Variants in NIM1K observed in about 807,000 individuals in gnomAD.
NIM1K encodes NIM1 serine/threonine protein kinase.
A neutral mutation model predicts 37.1 loss-of-function variants in NIM1K; 35 were observed. That is an observed-to-expected ratio of 0.94 (90% CI 0.72 to 1.25). The LOEUF (loss-of-function observed/expected upper bound fraction) is 1.25. NIM1K is among the 50% of genes most tolerant of loss of function. The pLI is 0.00. For missense variants in NIM1K, 564 were observed against 548.0 expected (o/e 1.03, Z -0.29); for synonymous variants, 234 against 206.6 (o/e 1.13, Z -1.14).
intron 1 of NIM1K, chr5:43,207,610 G>A: frequency 1.5e-6 from 1 of 653,764 alleles, no homozygotes; most frequent in East Asian, 3.6e-5. Context: ...TATTGAAACA[G>A]GATGGGAAAT....
chr5:43,209,065 ATT>A (rs1752167307), intron 1 of NIM1K, among the ~76,000 whole-genome samples: 1 of 152,214 alleles, frequency 6.6e-6, no homozygotes, highest in Non-Finnish European at 1.5e-5. Context: ...AATAAAGTAA[ATT>A]CTGCTGGAAG....
intron 1 of NIM1K, among the ~76,000 whole-genome samples, chr5:43,214,885 T>G (rs1182237323): frequency 6.6e-6 from 1 of 151,960 alleles, no homozygotes; most frequent in Non-Finnish European, 1.5e-5. Flanking sequence ...TTATTTAACT[T>G]ACACCCTCCT....
rs576420832 is a variant in NIM1K, at chr5:43,266,915, T to C, written c.293-10142T>C. On this transcript the variant is annotated intron_variant, in intron 2 of 3. Coordinates refer to ENST00000326035, the MANE Select transcript of NIM1K (RefSeq NM_153361.4). The stretch of plus-strand genomic sequence containing the variant: ...AGGAATATTGATCTGTAGTTTTCTT[T>C]TTTGTTATGTCATTTCCTGGGTTTG... Among the ~76,000 whole-genome samples the C allele has an allele frequency of 1.2e-4, 19 of 152,366 alleles. No homozygotes were observed. In the Middle Eastern group the frequency reaches 0.01, roughly 82 times the overall value.
chr5:43,255,013 A>G (rs1177378899), intron 2 of NIM1K, among the ~76,000 whole-genome samples: 1 of 152,260 alleles, frequency 6.6e-6, no homozygotes, highest in Admixed American at 6.5e-5. Context: ...TGGAAATACT[A>G]CAACCAAAAA....
intron 1 of NIM1K, among the ~76,000 whole-genome samples, chr5:43,206,105 C>T (rs1446854012): frequency 6.6e-6 from 1 of 152,090 alleles, no homozygotes; most frequent in Non-Finnish European, 1.5e-5. Context: ...GATAAATCAG[C>T]AGGTCAGTCT....
rs766162684 is a variant in NIM1K, at chr5:43,246,015, C to T, written c.240C>T (p.Ile80=). Residue 80 remains isoleucine, a synonymous_variant, in exon 2 of 4, where the codon ATC becomes ATT. Coordinates refer to ENST00000326035, the MANE Select transcript of NIM1K (RefSeq NM_153361.4). ...RIGFYRIRGE[I]GSGNFSQVKL... is the part of the protein sequence containing the mutation. ...GCTTCTACCGAATTCGAGGGGAAATCGGAAGTGGAAACTTCTCCCAAGTGA... is the reference window on the plus strand; with the variant it reads ...GCTTCTACCGAATTCGAGGGGAAATTGGAAGTGGAAACTTCTCCCAAGTGA... 6.2e-7 allele frequency: 1 copy of T among 1,613,982 alleles called. No individual in the cohort carries two copies. Among genetic ancestry groups the T allele is most frequent in the Non-Finnish European group, 8.5e-7 (1 of 1,179,892 alleles).
At chr5:43,272,165 C>T (rs570665876) in intron 2 of NIM1K, among the ~76,000 whole-genome samples, 32 of 152,206 alleles carry the variant, frequency 2.1e-4, no homozygotes, top group African/African-American at 7.2e-4. Context: ...CAAAGGAAGC[C>T]AATCAAAAAA....
chr5:43,225,141 C>A (rs1321659190), intron 1 of NIM1K, among the ~76,000 whole-genome samples: 1 of 151,478 alleles, frequency 6.6e-6, no homozygotes, highest in Non-Finnish European at 1.5e-5. Flanking sequence ...TTATAGTGGC[C>A]AGTGTGGAAT....
At chr5:43,202,784 A>G (rs1447932764) in intron 1 of NIM1K, among the ~76,000 whole-genome samples, 2 of 152,170 alleles carry the variant, frequency 1.3e-5, no homozygotes, top group African/African-American at 4.8e-5. Flanking sequence ...AGAAGGAGGA[A>G]AGACTGACAA....
chr5:43,254,822 G>C (rs528303728), intron 2 of NIM1K, among the ~76,000 whole-genome samples: 2 of 152,276 alleles, frequency 1.3e-5, no homozygotes, highest in African/African-American at 4.8e-5. Flanking sequence ...TCCTGCCTCA[G>C]TTTCCTAAGT....
At chr5:43,208,298 G>GA (rs5867621) in intron 1 of NIM1K, among the ~76,000 whole-genome samples, 22,152 of 150,550 alleles carry the variant, frequency 0.15, 1,891 homozygotes, top group Middle Eastern at 0.23. Context: ...ACAAAAGAGA[G>GA]AAAAAAAAAG....
intron 1 of NIM1K, among the ~76,000 whole-genome samples, chr5:43,237,488 A>G (rs1752638307): frequency 6.6e-6 from 1 of 152,238 alleles, no homozygotes; most frequent in African/African-American, 2.4e-5. Flanking sequence ...GCAAAGGCAA[A>G]AGAACAACAA....
chr5:43,249,839 T>TGTATGG (rs1752841116), intron 2 of NIM1K, among the ~76,000 whole-genome samples: 1 of 149,888 alleles, frequency 6.7e-6, no homozygotes, highest in Non-Finnish European at 1.5e-5. Flanking sequence ...TGACATTTTA[T>TGTATGG]GTATGGATTA....
At chr5:43,194,186 G>A (rs570338705) in intron 1 of NIM1K, among the ~76,000 whole-genome samples, 2 of 152,090 alleles carry the variant, frequency 1.3e-5, no homozygotes, top group African/African-American at 2.4e-5. Context: ...AGCCCAGATC[G>A]CCCTCGCCAT....
chr5:43,219,422 G>T (rs181776509), intron 1 of NIM1K, among the ~76,000 whole-genome samples: 2 of 152,060 alleles, frequency 1.3e-5, no homozygotes, highest in Admixed American at 6.5e-5. Flanking sequence ...AATTTTATTT[G>T]TAGAGACAGT....
chr5:43,262,023 A>T (rs56374132), intron 2 of NIM1K, among the ~76,000 whole-genome samples: 675 of 152,242 alleles, frequency 4.4e-3, no homozygotes, highest in South Asian at 7.2e-3. Context: ...CTTGTAGTAT[A>T]GTTTGAAGTC....
intron 2 of NIM1K, among the ~76,000 whole-genome samples, chr5:43,273,212 T>C (rs1402342291): frequency 1.3e-5 from 2 of 151,564 alleles, no homozygotes; most frequent in Non-Finnish European, 2.9e-5. Context: ...TTTTTTTTTT[T>C]CTTTTTTTTG....
chr5:43,205,627 G>A (rs1752097217), intron 1 of NIM1K, among the ~76,000 whole-genome samples: 1 of 152,084 alleles, frequency 6.6e-6, no homozygotes, highest in Non-Finnish European at 1.5e-5. Flanking sequence ...ACTCTCAAAT[G>A]TCCTTCAAAA....
At chr5:43,207,501 AT>A in intron 1 of NIM1K, 1 of 730,042 alleles carries the variant, frequency 1.4e-6, no homozygotes, top group Admixed American at 1.8e-5. Context: ...TAATTTTATT[AT>A]GTGATTAATG....
Sources: gnomAD v4.1 joint callset for allele counts (sites outside exome capture counted in the v4.1 genomes callset) on GRCh38, gnomAD v4.1.1 for gene constraint, MANE v1.5 for transcripts, NCBI Gene and HGNC (gene_info 2026-07-23, HGNC 2026-07-21) for gene names.